ARHGAP23: variants seen among roughly 807,000 people sequenced by gnomAD.
ARHGAP23 encodes the protein Rho GTPase activating protein 23, also known as rho GTPase-activating protein 23.
A neutral mutation model predicts 136.3 loss-of-function variants in ARHGAP23; 34 were observed. The ratio of observed to expected loss-of-function variants is 0.25; its 90% CI spans 0.19 to 0.33. ARHGAP23 has a LOEUF of 0.33. Ranked by LOEUF, ARHGAP23 falls within the 10% of genes least tolerant of loss-of-function variation. ARHGAP23 has a pLI of 1.00. For missense variants in ARHGAP23, 1,808 were observed against 2,139.0 expected, an observed-to-expected ratio of 0.85 and a Z score of 3.05; for synonymous variants, 832 against 920.5, an observed-to-expected ratio of 0.90 and a Z score of 1.74.
chr17:38,504,978 C>CTTTT lies in ARHGAP23; in HGVS notation c.3447+4392_3447+4395dup, dbSNP rs71138627. 1.3e-3 allele frequency among the ~76,000 whole-genome samples: 56 copies of CTTTT among 43,168 alleles called. 16 individuals are homozygous for CTTTT. The highest frequency in any genetic ancestry group is 1.9e-3 in the Non-Finnish European group (38 of 20,290). The allele number at this position is 43,168 out of a possible 152,430, so 28.3% of individuals were successfully genotyped here. A position where few individuals can be genotyped will look rare whatever the true frequency, so the allele number is the denominator to read the frequency against. On this transcript the variant is annotated intron_variant, in intron 23 of 23. Coordinates refer to ENST00000622683, the MANE Select transcript of ARHGAP23 (RefSeq NM_001199417.2). ...ATTACTCAGAAGCCTCCCTTATCATCTTTTTTTTTTTTTTTTTTTTTTTTT... is the reference window on the plus strand; with the variant it reads ...ATTACTCAGAAGCCTCCCTTATCATCTTTTTTTTTTTTTTTTTTTTTTTTTTTTT...
intron 17 of ARHGAP23, 136 bp from the exon 18 acceptor site, chr17:38,489,966 A>C: frequency 1.3e-6 from 1 of 756,226 alleles, no homozygotes; most frequent in African/African-American, 1.7e-5. Context: ...GTTCACATAC[A>C]CAAGAGGCTG....
chr17:38,465,673 G>A (rs1348302944), intron 6 of ARHGAP23, among the ~76,000 whole-genome samples: 1 of 152,218 alleles, frequency 6.6e-6, no homozygotes, highest in African/African-American at 2.4e-5. Context: ...TCAGGAGCCA[G>A]CTCCCCATTC....
intron 1 of ARHGAP23, among the ~76,000 whole-genome samples, chr17:38,449,342 G>A (rs993313462): frequency 6.6e-6 from 1 of 152,188 alleles, no homozygotes; most frequent in African/African-American, 2.4e-5. Flanking sequence ...TCCCCTACCC[G>A]TGGGCCAGAC....
chr17:38,494,941 A>G (rs8072898), intron 20 of ARHGAP23, among the ~76,000 whole-genome samples: 103,980 of 151,816 alleles, frequency 0.68, 36,789 homozygotes, highest in East Asian at 0.91. Context: ...TCCAACCTGC[A>G]TTAACGGCTG....
intron 10 of ARHGAP23, among the ~76,000 whole-genome samples, chr17:38,471,482 A>G (rs1328383343): frequency 6.6e-6 from 1 of 152,008 alleles, no homozygotes; most frequent in Admixed American, 6.6e-5. Context: ...TACCTGCTCC[A>G]CTCACTCAGC....
chr17:38,469,824 C>T (rs1316862364), intron 9 of ARHGAP23, 23 bp from the exon 10 acceptor site: 3 of 1,551,496 alleles, frequency 1.9e-6, no homozygotes, highest in Admixed American at 2.0e-5. Context: ...CCACATCCCT[C>T]ACCCTCGACC....
In ARHGAP23 at chr17:38,498,307, C is replaced by A. The variant is rs989244255; in HGVS notation, c.3319-107C>A. Reference sequence around the variant, plus strand: ...GAGACGGTCCCTGCCCCAGTGAGCCCGGTCTGATGGAGGAGACATGGGCTC... The same window carrying A: ...GAGACGGTCCCTGCCCCAGTGAGCCAGGTCTGATGGAGGAGACATGGGCTC... On this transcript the variant is annotated intron_variant, in intron 21 of 23. Coordinates refer to ENST00000622683, the MANE Select transcript of ARHGAP23 (RefSeq NM_001199417.2). 9 of 826,192 alleles carry A rather than the reference C, an allele frequency of 1.1e-5. No individual in the cohort carries two copies. The East Asian group carries it at 2.6e-4, about 24-fold the overall frequency. The allele number at this position is 826,192 out of a possible 1,614,324, so 51.2% of individuals were successfully genotyped here.
At chr17:38,460,995 C>T (rs1402351562) in intron 3 of ARHGAP23, 63 bp downstream of exon 3, 1 of 1,524,312 alleles carries the variant, frequency 6.6e-7, no homozygotes, top group Non-Finnish European at 8.8e-7. Flanking sequence ...CTGTCTCTCC[C>T]TGTCCTCCCC....
At chr17:38,453,949 C>A (rs1305206838) in intron 1 of ARHGAP23, 1 of 145,112 alleles carries the variant, frequency 6.9e-6, no homozygotes, top group East Asian at 2.0e-4. Flanking sequence ...GGGCAGTGGC[C>A]GGGCCCGGGA....
chr17:38,480,791 G>A (rs2040019501), intron 14 of ARHGAP23, among the ~76,000 whole-genome samples: 2 of 140,772 alleles, frequency 1.4e-5, no homozygotes, highest in Admixed American at 7.2e-5. Flanking sequence ...GTGACAGAGT[G>A]AGACCCTGTC....
At chr17:38,507,770 T>C (rs1030053744) in intron 23 of ARHGAP23, among the ~76,000 whole-genome samples, 10 of 152,206 alleles carry the variant, frequency 6.6e-5, no homozygotes, top group African/African-American at 2.4e-4. Context: ...TGGGCAACCA[T>C]GGCCCAGGAG....
chr17:38,459,619 A>G (rs780534787), intron 2 of ARHGAP23, among the ~76,000 whole-genome samples: 2 of 152,202 alleles, frequency 1.3e-5, no homozygotes, highest in Non-Finnish European at 2.9e-5. Context: ...GCGTGACAGC[A>G]TAGAGTCTAG....
chr17:38,441,508 A>G (rs2038919639), intron 1 of ARHGAP23, among the ~76,000 whole-genome samples: 1 of 151,938 alleles, frequency 6.6e-6, no homozygotes, highest in East Asian at 1.9e-4. Context: ...GTCCCTCATC[A>G]TGGAAGAGCC....
At chr17:38,421,068 C>T (rs900879207) in intron 1 of ARHGAP23, among the ~76,000 whole-genome samples, 4 of 152,170 alleles carry the variant, frequency 2.6e-5, no homozygotes, top group African/African-American at 9.7e-5. Flanking sequence ...ATCAGCCCTC[C>T]GTAACTGTTC....
intron 1 of ARHGAP23, among the ~76,000 whole-genome samples, chr17:38,446,817 T>A (rs1156924014): frequency 6.6e-6 from 1 of 151,980 alleles, no homozygotes. Flanking sequence ...TTTTTATTGC[T>A]TTTTTAGAGA....
At chr17:38,455,972 C>T (rs1033593887) in intron 1 of ARHGAP23, among the ~76,000 whole-genome samples, 3 of 152,154 alleles carry the variant, frequency 2.0e-5, no homozygotes, top group African/African-American at 4.8e-5. Context: ...CTGAGACCTC[C>T]TGGACTGGGG....
At chr17:38,466,037 C>A in intron 6 of ARHGAP23, 130 bp from the exon 7 acceptor site, 1 of 682,356 alleles carries the variant, frequency 1.5e-6, no homozygotes, top group Non-Finnish European at 2.2e-6. Context: ...ATGCCTCTCC[C>A]TCGTTCCCCC....
chr17:38,438,899 G>A (rs921439099), intron 1 of ARHGAP23, among the ~76,000 whole-genome samples: 2 of 151,720 alleles, frequency 1.3e-5, no homozygotes, highest in East Asian at 3.9e-4. Context: ...CAGGAGAATC[G>A]CTTGAACCTG....
intron 1 of ARHGAP23, among the ~76,000 whole-genome samples, chr17:38,436,005 G>T (rs900188379): frequency 1.3e-5 from 2 of 152,222 alleles, no homozygotes; most frequent in African/African-American, 4.8e-5. Flanking sequence ...CTGCAATGGA[G>T]GCTGTCTGCG....
Sources: allele counts gnomAD v4.1 joint callset (sites outside exome capture counted in the v4.1 genomes callset), GRCh38; gene constraint gnomAD v4.1.1; transcripts MANE v1.5; gene names NCBI Gene and HGNC (gene_info 2026-07-23, HGNC 2026-07-21).